SORCS1: variants seen among roughly 807,000 people sequenced by gnomAD.
The protein encoded by SORCS1 is VPS10 domain-containing receptor SorCS1.
SORCS1 carries 60 observed loss-of-function variants against 146.1 expected under a neutral mutation model. The observed-to-expected ratio is 0.41, with a 90% CI of 0.33 to 0.51. SORCS1 has a LOEUF of 0.51. Among genes scored for constraint, SORCS1 ranks in the 20% least tolerant of loss-of-function variants. SORCS1 has a pLI of 0.21. For synonymous variants in SORCS1, 637 were observed against 584.0 expected, an observed-to-expected ratio of 1.09 and a Z score of -1.31; for missense variants, 1,352 against 1,487.6, an observed-to-expected ratio of 0.91 and a Z score of 1.50.
chr10:107,015,485 C>T (rs914450890), intron 1 of SORCS1, among the ~76,000 whole-genome samples: 4 of 152,200 alleles, frequency 2.6e-5, no homozygotes, highest in Middle Eastern at 3.4e-3. Context: ...TTTAAGGCAG[C>T]GGGACAGTGA....
chr10:106,844,594 ATTATACT>A (rs911298126), intron 2 of SORCS1, among the ~76,000 whole-genome samples: 4 of 150,958 alleles, frequency 2.6e-5, no homozygotes, highest in Non-Finnish European at 4.4e-5. Context: ...TTTTTTTTAA[ATTATACT>A]TTAAGTTTTA....
At chr10:106,892,621 T>C (rs1270592436) in intron 2 of SORCS1, among the ~76,000 whole-genome samples, 1 of 152,206 alleles carries the variant, frequency 6.6e-6, no homozygotes, top group Non-Finnish European at 1.5e-5. Context: ...TATTTCACAA[T>C]TTTTCATGAA....
chr10:106,713,954 A>G (rs895451288), intron 6 of SORCS1, among the ~76,000 whole-genome samples: 1 of 152,030 alleles, frequency 6.6e-6, no homozygotes, highest in Non-Finnish European at 1.5e-5. Context: ...CAACATAGTG[A>G]AACTCCATCT....
intron 1 of SORCS1, among the ~76,000 whole-genome samples, chr10:107,127,946 T>C (rs1013403796): frequency 6.6e-6 from 1 of 152,238 alleles, no homozygotes; most frequent in African/African-American, 2.4e-5. Context: ...AGATTCTTCA[T>C]TGTAAATTGG....
At chr10:106,977,589 ATT>A (rs35526585) in intron 1 of SORCS1, among the ~76,000 whole-genome samples, 89 of 133,442 alleles carry the variant, frequency 6.7e-4, no homozygotes, top group South Asian at 1.5e-3. Flanking sequence ...CATTCATTGG[ATT>A]TTTTTTTTTT....
chr10:106,624,215 A>G (rs1424086576), intron 19 of SORCS1, among the ~76,000 whole-genome samples: 1 of 152,158 alleles, frequency 6.6e-6, no homozygotes, highest in Non-Finnish European at 1.5e-5. Context: ...CCAAGTATCA[A>G]TTTTGAAAGC....
At chr10:107,056,124 G>A (rs978147271) in intron 1 of SORCS1, among the ~76,000 whole-genome samples, 4 of 148,952 alleles carry the variant, frequency 2.7e-5, no homozygotes, top group South Asian at 2.2e-4. Flanking sequence ...TAAAAGTGTC[G>A]GGGGGGCTTC....
chr10:107,007,326 T>G (rs1957495133), intron 1 of SORCS1, among the ~76,000 whole-genome samples: 1 of 152,208 alleles, frequency 6.6e-6, no homozygotes, highest in Non-Finnish European at 1.5e-5. Context: ...GATGAGGCAT[T>G]AACAAACTGT....
chr10:106,834,221 C>T (rs1231361009), intron 2 of SORCS1, among the ~76,000 whole-genome samples: 1 of 152,138 alleles, frequency 6.6e-6, no homozygotes, highest in Non-Finnish European at 1.5e-5. Flanking sequence ...GCAGAGGATG[C>T]TTTTTGCCCA....
At chr10:107,035,279 CA>C (rs11458224) in intron 1 of SORCS1, among the ~76,000 whole-genome samples, 83 of 128,608 alleles carry the variant, frequency 6.5e-4, no homozygotes, top group East Asian at 4.7e-3. Context: ...AAAAAAACAA[CA>C]AAAAAAAAAA....
At chr10:106,805,921 G>T (rs531050028) in intron 3 of SORCS1, among the ~76,000 whole-genome samples, 33 of 151,278 alleles carry the variant, frequency 2.2e-4, no homozygotes, top group Admixed American at 1.7e-3. Flanking sequence ...TTAGCCAGGC[G>T]TGGTGGCAGG....
At chr10:106,782,202 T>C (rs1423483814) in intron 3 of SORCS1, among the ~76,000 whole-genome samples, 4 of 152,214 alleles carry the variant, frequency 2.6e-5, no homozygotes, top group African/African-American at 4.8e-5. Flanking sequence ...TTCTGTCCTT[T>C]TGATTTCAAA....
At position 106,579,275 on chromosome 10, in the gene SORCS1, A is replaced by G. The variant is rs1456499283; in HGVS notation, c.3371+94T>C. 4 of 1,613,910 alleles carry G rather than the reference A, an allele frequency of 2.5e-6. No homozygotes were observed. The African/African-American group carries it at 5.3e-5, about 22-fold the overall frequency. ...TCCTAAAATATTAATAGAAACCATC[A>G]CTGCTATGCACATCACTGTAACACA... On this transcript the variant is annotated intron_variant, in intron 25 of 25. Coordinates refer to ENST00000263054, the MANE Select transcript of SORCS1 (RefSeq NM_052918.5).
intron 18 of SORCS1, among the ~76,000 whole-genome samples, chr10:106,649,044 C>A (rs964768429): frequency 9.2e-5 from 14 of 152,110 alleles, no homozygotes; most frequent in African/African-American, 3.1e-4. Context: ...CCACTCCATC[C>A]CCTTCTGGCT....
rs1951663096 is a variant in SORCS1 at position 106,900,603 on chromosome 10, A to G, written c.626+55910T>C. 2.0e-5 allele frequency among the ~76,000 whole-genome samples: 3 copies of G among 152,112 alleles called. No individual in the cohort carries two copies. In the South Asian group the frequency reaches 6.2e-4, roughly 32 times the overall value. On this transcript the variant is annotated intron_variant, in intron 2 of 25. Transcript: ENST00000263054. The stretch of plus-strand genomic sequence containing the variant: ...ACTTTCACAGTGAGATTAAGCTTCA[A>G]TCATCCCCACTGGTGAATGGCTCCA...
chr10:106,931,732 C>T (rs913102274), intron 2 of SORCS1, among the ~76,000 whole-genome samples: 1 of 152,168 alleles, frequency 6.6e-6, no homozygotes, highest in Admixed American at 6.5e-5. Context: ...TATGTCAGCA[C>T]TCTGCCCTGG....
intron 13 of SORCS1, among the ~76,000 whole-genome samples, chr10:106,676,232 T>G (rs1002971437): frequency 1.3e-5 from 2 of 152,100 alleles, no homozygotes; most frequent in Non-Finnish European, 2.9e-5. Flanking sequence ...GAGAACCACT[T>G]TCAAAAACAC....
chr10:106,842,618 T>G (rs893162651), intron 2 of SORCS1, among the ~76,000 whole-genome samples: 8 of 152,158 alleles, frequency 5.3e-5, no homozygotes, highest in Admixed American at 2.0e-4. Flanking sequence ...TTGAGTTTTC[T>G]CTGTTTTGTG....
the SORCS1 span, among the ~76,000 whole-genome samples, chr10:107,173,029 A>G: frequency 5.3e-5 from 8 of 152,154 alleles, no homozygotes; most frequent in African/African-American, 1.9e-4. Flanking sequence ...TTTACACACA[A>G]ATACAACCAC....
Sources: allele counts gnomAD v4.1 joint callset (sites outside exome capture counted in the v4.1 genomes callset), GRCh38; gene constraint gnomAD v4.1.1; transcripts MANE v1.5; gene names NCBI Gene and HGNC (gene_info 2026-07-23, HGNC 2026-07-21).